The following UVRAG variants were observed in gnomAD, a reference collection of about 807,000 sequenced individuals.
UVRAG encodes UV radiation resistance-associated gene protein.
UVRAG carries 19 observed loss-of-function variants against 78.0 expected under a neutral mutation model. That is an observed-to-expected ratio of 0.24 (90% CI 0.17 to 0.36). The LOEUF (loss-of-function observed/expected upper bound fraction) is 0.36, where lower values mean the gene tolerates loss of function less well. Ranked by LOEUF, UVRAG falls within the 10% of genes least tolerant of loss-of-function variation. UVRAG has a pLI of 1.00. For synonymous variants in UVRAG, 323 were observed against 324.6 expected (o/e 1.00, Z 0.05); for missense variants, 740 against 853.8 (o/e 0.87, Z 1.66).
intron 12 of UVRAG, among the ~76,000 whole-genome samples, chr11:76,054,213 A>G (rs1011279273): frequency 1.2e-4 from 18 of 152,090 alleles, no homozygotes; most frequent in Admixed American, 4.6e-4. Context: ...CAAAACTTTG[A>G]AGTCATCCTT....
intron 9 of UVRAG, among the ~76,000 whole-genome samples, chr11:76,006,487 C>G (rs946307800): frequency 6.6e-6 from 1 of 151,786 alleles, no homozygotes; most frequent in African/African-American, 2.4e-5. Context: ...TGGTGAAACA[C>G]TGTCTCTACA....
At chr11:75,926,080 G>A (rs922100181) in intron 6 of UVRAG, among the ~76,000 whole-genome samples, 2 of 151,982 alleles carry the variant, frequency 1.3e-5, no homozygotes, top group African/African-American at 4.8e-5. Context: ...AATGAGCCAG[G>A]AATTACTTAG....
Position 75,837,978 on chromosome 11 carries a change from C to T in UVRAG, c.118-13905C>T, listed in dbSNP as rs896552897. ...CTGCAGTGGGCTGTGATTGTGCCAC[C>T]ACTCGCCAGCCTGGGTGATAGAGTG... On this transcript the variant is annotated intron_variant, in intron 1 of 14. Coordinates refer to ENST00000356136, the MANE Select transcript of UVRAG (RefSeq NM_003369.4). Among the ~76,000 whole-genome samples the T allele has an allele frequency of 2.6e-5, 4 of 152,180 alleles. No homozygotes were observed. In the South Asian group the frequency reaches 6.2e-4, roughly 24 times the overall value.
intron 7 of UVRAG, among the ~76,000 whole-genome samples, chr11:75,967,829 A>G (rs1034134543): frequency 3.9e-5 from 6 of 152,286 alleles, no homozygotes; most frequent in Non-Finnish European, 7.4e-5. Context: ...TCCATCATAC[A>G]CTTATGAGAA....
chr11:76,111,387 A>G (rs1206958299), intron 13 of UVRAG, among the ~76,000 whole-genome samples: 2 of 152,130 alleles, frequency 1.3e-5, no homozygotes, highest in African/African-American at 4.8e-5. Context: ...AGTCTATAGA[A>G]AAAGAAGTAA....
chr11:76,023,181 A>G (rs1037101748), intron 12 of UVRAG, among the ~76,000 whole-genome samples: 11 of 151,972 alleles, frequency 7.2e-5, no homozygotes, highest in Non-Finnish European at 1.6e-4. Flanking sequence ...ATACAGCTTC[A>G]AGTTACTATC....
intron 13 of UVRAG, among the ~76,000 whole-genome samples, chr11:76,074,788 A>G (rs1951375758): frequency 6.6e-6 from 1 of 152,244 alleles, no homozygotes; most frequent in Non-Finnish European, 1.5e-5. Context: ...ATAGACAATT[A>G]TCTGCATTTT....
At chr11:75,988,295 A>G (rs1003095445) in intron 8 of UVRAG, among the ~76,000 whole-genome samples, 2 of 152,158 alleles carry the variant, frequency 1.3e-5, no homozygotes, top group African/African-American at 4.8e-5. Flanking sequence ...TCGTTTGACC[A>G]CTAGCAATTA....
At chr11:75,918,847 T>G (rs1947916065) in intron 6 of UVRAG, among the ~76,000 whole-genome samples, 1 of 152,184 alleles carries the variant, frequency 6.6e-6, no homozygotes, top group African/African-American at 2.4e-5. Flanking sequence ...TGCAAAAAAT[T>G]TCTAGGCTAA....
chr11:75,962,732 C>T (rs1948933180), intron 7 of UVRAG, among the ~76,000 whole-genome samples: 1 of 152,046 alleles, frequency 6.6e-6, no homozygotes, highest in Non-Finnish European at 1.5e-5. Flanking sequence ...TTAATTCTTT[C>T]TGTAGTGTAT....
intron 13 of UVRAG, among the ~76,000 whole-genome samples, chr11:76,101,118 T>C (rs1432087593): frequency 1.3e-5 from 2 of 152,206 alleles, no homozygotes; most frequent in Non-Finnish European, 2.9e-5. Context: ...CCTTTGGATG[T>C]ATACCCAATA....
At chr11:75,857,923 T>G (rs955575614) in intron 2 of UVRAG, among the ~76,000 whole-genome samples, 5 of 152,132 alleles carry the variant, frequency 3.3e-5, no homozygotes, top group Non-Finnish European at 5.9e-5. Flanking sequence ...CTTCTGTGCT[T>G]TATTTTTCTC....
chr11:76,023,274 G>A (rs1230596609), intron 12 of UVRAG, among the ~76,000 whole-genome samples: 1 of 152,190 alleles, frequency 6.6e-6, no homozygotes, highest in Non-Finnish European at 1.5e-5. Context: ...AGGGGAAAGT[G>A]TAGGCCCTTC....
rs941106052 is a variant in UVRAG at position 76,142,087 on chromosome 11, A to T, written c.*674A>T. On this transcript the variant is annotated 3_prime_UTR_variant, in exon 15 of 15. Transcript: ENST00000356136. ...GACGTTCCATCTCTTCTAACCAGCC[A>T]TGGCCTTCCCCTCCTCTGCCATACC... 16 of 152,318 alleles carry T rather than the reference A, an allele frequency of 1.1e-4. No homozygotes were observed. The highest frequency in any genetic ancestry group is 3.9e-4 in the African/African-American group (16 of 41,444). The allele number at this position is 152,318 out of a possible 1,614,324, so 9.4% of individuals were successfully genotyped here. A position where few individuals can be genotyped will look rare whatever the true frequency, so the allele number is the denominator to read the frequency against.
At chr11:75,954,624 T>G (rs1948760372) in intron 6 of UVRAG, among the ~76,000 whole-genome samples, 1 of 152,246 alleles carries the variant, frequency 6.6e-6, no homozygotes, top group Non-Finnish European at 1.5e-5. Flanking sequence ...ATTTTGGGAC[T>G]GTGCTTTTAT....
intron 6 of UVRAG, among the ~76,000 whole-genome samples, chr11:75,933,563 C>T (rs1359411708): frequency 2.0e-5 from 3 of 152,126 alleles, no homozygotes; most frequent in Non-Finnish European, 2.9e-5. Flanking sequence ...AGTGAAGGCA[C>T]AACCTAGAGA....
rs769638615 is a variant in UVRAG at position 76,065,665 on chromosome 11, T to A, written c.1227-45T>A. The A allele has an allele frequency of 3.2e-6, 5 of 1,582,648 alleles. No individual in the cohort carries two copies. In the East Asian group the frequency reaches 6.7e-5, roughly 21 times the overall value. The stretch of plus-strand genomic sequence containing the variant: ...TCTGTTGACAACTTGGAGGTTGTAT[T>A]TACTCAGCTTTTGAAAATATCTGAT... On this transcript the variant is annotated intron_variant, in intron 12 of 14. Coordinates refer to ENST00000356136, the MANE Select transcript of UVRAG (RefSeq NM_003369.4).
chr11:75,965,136 G>A (rs1432442530), intron 7 of UVRAG, among the ~76,000 whole-genome samples: 1 of 152,116 alleles, frequency 6.6e-6, no homozygotes, highest in Non-Finnish European at 1.5e-5. Flanking sequence ...ACAAAAAAAA[G>A]GTCTGATGGA....
intron 13 of UVRAG, among the ~76,000 whole-genome samples, chr11:76,069,957 A>G (rs1951269392): frequency 6.6e-6 from 1 of 152,230 alleles, no homozygotes; most frequent in Non-Finnish European, 1.5e-5. Context: ...AGCAAGCACA[A>G]TGCCAGAAAC....
Sources: gnomAD v4.1 joint callset for allele counts (sites outside exome capture counted in the v4.1 genomes callset) on GRCh38, gnomAD v4.1.1 for gene constraint, MANE v1.5 for transcripts, NCBI Gene and HGNC (gene_info 2026-07-23, HGNC 2026-07-21) for gene names.